Variants in TMEM67 observed in about 807,000 individuals in gnomAD.
TMEM67 encodes the protein meckelin.
Under a neutral mutation model 136.6 loss-of-function variants are expected in TMEM67, and 124 were observed. That is an observed-to-expected ratio of 0.91 (90% CI 0.78 to 1.05). The LOEUF (loss-of-function observed/expected upper bound fraction) is 1.05. Among genes scored for constraint, TMEM67 ranks in the 50% least tolerant of loss-of-function variants. The pLI is 0.00. For synonymous variants in TMEM67, 364 were observed against 390.5 expected (o/e 0.93, Z 0.80); for missense variants, 1,107 against 1,178.4 (o/e 0.94, Z 0.89).
chr8:93,775,688 C>T (rs1232613982), intron 7 of TMEM67, among the ~76,000 whole-genome samples: 1 of 152,096 alleles, frequency 6.6e-6, no homozygotes, highest in East Asian at 1.9e-4. Flanking sequence ...TTTCTGAGGC[C>T]TCTGTTCTGT....
the TMEM67 span, among the ~76,000 whole-genome samples, chr8:93,825,362 T>C: frequency 6.6e-6 from 1 of 152,206 alleles, no homozygotes; most frequent in Non-Finnish European, 1.5e-5. Flanking sequence ...GATGACATTG[T>C]TAATGTAATT....
chr8:93,791,462 A>C (rs576301291), intron 15 of TMEM67, 143 bp downstream of exon 15: 33 of 614,568 alleles, frequency 5.4e-5, no homozygotes, highest in South Asian at 2.3e-4. Flanking sequence ...ACCTTAGTAC[A>C]ATGATCATAA....
downstream of TMEM67, chr8:93,819,145 A>G: frequency 2.2e-6 from 1 of 451,940 alleles, no homozygotes; most frequent in Non-Finnish European, 4.4e-6. Flanking sequence ...TGAGTAAACT[A>G]TGAATGCTGG....
At chr8:93,820,276 A>G (rs1391935277), downstream of TMEM67, among the ~76,000 whole-genome samples, 1 of 152,090 alleles carries the variant, frequency 6.6e-6, no homozygotes, top group African/African-American at 2.4e-5. Flanking sequence ...TTCCTCACTC[A>G]TCACTACATA....
intron 14 of TMEM67, among the ~76,000 whole-genome samples, chr8:93,788,869 G>T (rs538020658): frequency 6.6e-6 from 1 of 152,314 alleles, no homozygotes; most frequent in Non-Finnish European, 1.5e-5. Context: ...CTCTTAGGCT[G>T]CACTGCAGAG....
At chr8:93,830,844 A>G in the TMEM67 span, among the ~76,000 whole-genome samples, 28 of 152,240 alleles carry the variant, frequency 1.8e-4, no homozygotes, top group Non-Finnish European at 3.5e-4. Flanking sequence ...TCTTGTTATA[A>G]TCATCATGCA....
At chr8:93,823,325 C>A (rs1423266227), downstream of TMEM67, among the ~76,000 whole-genome samples, 1 of 152,054 alleles carries the variant, frequency 6.6e-6, no homozygotes, top group African/African-American at 2.4e-5. Context: ...ATTTCAAGAT[C>A]CTTAGCTTAA....
chr8:93,802,323 C>T (rs1327160185), intron 21 of TMEM67, among the ~76,000 whole-genome samples: 1 of 152,086 alleles, frequency 6.6e-6, no homozygotes, highest in Non-Finnish European at 1.5e-5. Context: ...TGCCTTTCAA[C>T]ATCTTCTTGG....
intron 20 of TMEM67, among the ~76,000 whole-genome samples, chr8:93,799,097 C>T (rs538676654): frequency 1.3e-5 from 2 of 152,152 alleles, no homozygotes; most frequent in Admixed American, 6.5e-5. Flanking sequence ...TGTAAAACTT[C>T]TCAGAGCCTT....
At chr8:93,763,473 T>A (rs1176513352) in intron 3 of TMEM67, among the ~76,000 whole-genome samples, 3 of 152,166 alleles carry the variant, frequency 2.0e-5, no homozygotes, top group Non-Finnish European at 4.4e-5. Context: ...TTATCAGTAA[T>A]CTATGAAAAT....
intron 20 of TMEM67, among the ~76,000 whole-genome samples, chr8:93,798,835 A>G (rs1315946094): frequency 6.6e-6 from 1 of 152,076 alleles, no homozygotes; most frequent in African/African-American, 2.4e-5. Context: ...AAAATTACAT[A>G]TGTTTATAGT....
In TMEM67 at chr8:93,767,732, T is replaced by TG. The variant is rs376403980; in HGVS notation, c.651+2086_651+2087insG. ...CAAGTTGGCTTCTGCGTGATTTTTT[T>TG]TTTTTTTTTGACATGTCCCCATCAT... On this transcript the variant is annotated intron_variant, in intron 6 of 27. Transcript: ENST00000453321. Among the ~76,000 whole-genome samples, 562 of 151,900 alleles carry TG rather than the reference T, an allele frequency of 3.7e-3. 6 individuals carry two copies. The highest frequency in any genetic ancestry group is 0.013 in the African/African-American group (548 of 41,428).
rs1010048085 is a variant in TMEM67 at position 93,814,178 on chromosome 8, T to C, written c.2765-1127T>C. On this transcript the variant is annotated intron_variant, in intron 26 of 27. Transcript: ENST00000453321. ...TTTTTGAGACGTAGTATTGCTCTGT[T>C]GCCCAGGCTGGAGTGCAGTGGCACG... Among the ~76,000 whole-genome samples, 27 of 147,392 alleles carry C rather than the reference T, an allele frequency of 1.8e-4. No homozygotes were observed. In the South Asian group the frequency reaches 2.0e-3, roughly 11 times the overall value.
the TMEM67 span, among the ~76,000 whole-genome samples, chr8:93,829,180 G>C: frequency 6.6e-6 from 1 of 152,104 alleles, no homozygotes; most frequent in Non-Finnish European, 1.5e-5. Flanking sequence ...CTTTGCGGTA[G>C]TACACCTGTC....
intron 23 of TMEM67, among the ~76,000 whole-genome samples, chr8:93,805,530 G>A (rs976654472): frequency 1.7e-4 from 26 of 149,770 alleles, no homozygotes; most frequent in African/African-American, 5.7e-4. Context: ...GCAGTGAGCC[G>A]AGATTGCGCC....
intron 6 of TMEM67, among the ~76,000 whole-genome samples, chr8:93,772,060 A>G (rs1489825078): frequency 6.6e-6 from 1 of 152,232 alleles, no homozygotes. Context: ...AAACCGATGT[A>G]ATTGCCTTGG....
chr8:93,805,922 A>T (rs939663647), intron 23 of TMEM67, among the ~76,000 whole-genome samples: 3 of 152,230 alleles, frequency 2.0e-5, no homozygotes, highest in Admixed American at 1.3e-4. Flanking sequence ...AACTGACATA[A>T]ACACTTCCTG....
At chr8:93,782,498 T>G in intron 11 of TMEM67, 38 bp downstream of exon 11, 1 of 1,505,354 alleles carries the variant, frequency 6.6e-7, no homozygotes, top group Non-Finnish European at 9.2e-7. Flanking sequence ...TTTAGCTTTA[T>G]TTTTCAAAAT....
intron 6 of TMEM67, 34 bp downstream of exon 6, chr8:93,765,680 A>T (rs1410763243): frequency 7.6e-6 from 11 of 1,440,212 alleles, no homozygotes; most frequent in Admixed American, 1.7e-5. Context: ...TTCTGTTGTT[A>T]AAAAACTTTC....
Sources: gnomAD v4.1 joint callset for allele counts (sites outside exome capture counted in the v4.1 genomes callset) on GRCh38, gnomAD v4.1.1 for gene constraint, MANE v1.5 for transcripts, NCBI Gene and HGNC (gene_info 2026-07-23, HGNC 2026-07-21) for gene names.